The following ZSCAN2 variants were observed in gnomAD, a reference collection of about 807,000 sequenced individuals.
The protein encoded by ZSCAN2 is zinc finger and SCAN domain containing 2.
A neutral mutation model predicts 47.8 loss-of-function variants in ZSCAN2; 26 were observed. The ratio of observed to expected loss-of-function variants is 0.54; its 90% CI spans 0.40 to 0.75. The LOEUF is 0.75. ZSCAN2 is among the 30% of genes least tolerant of loss of function. The pLI is 0.00. For missense variants in ZSCAN2, 732 were observed against 785.4 expected (o/e 0.93, Z 0.81); for synonymous variants, 305 against 288.7 (o/e 1.06, Z -0.57).
At chr15:84,602,076 C>G (rs1596023692) in intron 1 of ZSCAN2, 1 of 152,210 alleles carries the variant, frequency 6.6e-6, no homozygotes, top group East Asian at 1.9e-4. Flanking sequence ...GCCTCAGCCT[C>G]CGGAGTAGCT....
rs772003684 is a variant in ZSCAN2 at position 84,604,016 on chromosome 15, TCACCAC to T, written c.92_97del (p.Thr31_Thr32del). 8.1e-6 allele frequency: 13 copies of T among 1,608,504 alleles called. No individual in the cohort carries two copies. Among genetic ancestry groups the T allele is most frequent in the Non-Finnish European group, 9.3e-6 (11 of 1,178,080 alleles). ...GAGGAAGATAGACAGGAGGAGGAGG[TCACCAC>T]CATGATCCTGGAGGATGACTCCTGG... On this transcript the variant is annotated inframe_deletion, in exon 2 of 3. Coordinates refer to ENST00000546148, the MANE Select transcript of ZSCAN2 (RefSeq NM_181877.4).
chr15:84,603,620 G>A (rs894759352), intron 1 of ZSCAN2, among the ~76,000 whole-genome samples, 200 bp from the exon 2 acceptor site: 1 of 152,096 alleles, frequency 6.6e-6, no homozygotes, highest in Non-Finnish European at 1.5e-5. Flanking sequence ...GGGATTACAG[G>A]CATGAGACAC....
rs1378260030 is a variant in ZSCAN2, at chr15:84,616,689, T to C, written c.407-3913T>C. 5 of 1,058,416 alleles carry C rather than the reference T, an allele frequency of 4.7e-6. No individual in the cohort carries two copies. The Admixed American group carries it at 2.2e-4, about 46-fold the overall frequency. 65.6% of individuals were successfully genotyped at this position (1,058,416 alleles called of 1,614,324 possible). A position where few individuals can be genotyped will look rare whatever the true frequency, so the allele number is the denominator to read the frequency against. ...CAGCAAAAACAGCCTTATTAGCTAA[T>C]GTTACCTATTCAATTACTAAAATCA... On this transcript the variant is annotated intron_variant, in intron 2 of 2. Transcript: ENST00000546148.
chr15:84,606,626 G>A, intron 2 of ZSCAN2: 4 of 1,610,248 alleles, frequency 2.5e-6, no homozygotes, highest in Non-Finnish European at 3.4e-6. Context: ...GTGATGGAGG[G>A]CTGAGGAGAG....
At chr15:84,606,975 CT>C in intron 2 of ZSCAN2, 1 of 608,156 alleles carries the variant, frequency 1.6e-6, no homozygotes, top group Non-Finnish European at 2.1e-6. Context: ...GTTTGTCCAG[CT>C]TATGACCTTT....
At position 84,622,321 on chromosome 15, in the gene ZSCAN2, G is replaced by T; in HGVS notation, c.*281G>T. On this transcript the variant is annotated 3_prime_UTR_variant, in exon 3 of 3. Transcript: ENST00000546148. ...ATTGGCCCCCTCTCATGATTCCTCT[G>T]TGCCTCAGTTTCCTCTTTGGTAAAA... 1 of 575,736 alleles carries T rather than the reference G, an allele frequency of 1.7e-6. No individual in the cohort carries two copies. 35.7% of individuals were successfully genotyped at this position (575,736 alleles called of 1,614,324 possible).
In ZSCAN2 at chr15:84,622,172, A is replaced by T; in HGVS notation, c.*132A>T. ...TTTTGCCAGAGTCTTCCCCTTGCTC[A>T]TCCTCATTTCCAGGACACTGTCATT... On this transcript the variant is annotated 3_prime_UTR_variant, in exon 3 of 3. Transcript: ENST00000546148. 1 of 805,676 alleles carries T rather than the reference A, an allele frequency of 1.2e-6. No individual in the cohort carries two copies. Among genetic ancestry groups the T allele is most frequent in the South Asian group, 1.8e-5 (1 of 56,900 alleles). The allele number at this position is 805,676 out of a possible 1,614,324, so 49.9% of individuals were successfully genotyped here.
rs140896195 is a variant in ZSCAN2 at position 84,621,747 on chromosome 15, G to T, written c.1552G>T (p.Val518Leu). The change falls in exon 3 of 3, where the codon GTA becomes TTA. Residue 518 changes from valine (V) to leucine (L), a missense_variant. Coordinates refer to ENST00000546148, the MANE Select transcript of ZSCAN2 (RefSeq NM_181877.4). The surrounding 1 kb of genome is among the most constrained non-coding windows in gnomAD (Gnocchi z 5.7). ...GKCFSQRSQL[V>L]VHQRTHTGEK... Reference sequence around the variant, plus strand: ...ATGCTTCAGCCAGCGCTCCCAGCTCGTAGTGCACCAGCGGACCCACACGGG... The same window carrying T: ...ATGCTTCAGCCAGCGCTCCCAGCTCTTAGTGCACCAGCGGACCCACACGGG... 1 of 1,614,092 alleles carries T rather than the reference G, an allele frequency of 6.2e-7. No individual in the cohort carries two copies. The highest frequency in any genetic ancestry group is 1.3e-5 in the African/African-American group (1 of 75,012).
rs367963102 is a variant in ZSCAN2 at position 84,603,963 on chromosome 15, G to T, written c.36G>T (p.Pro12=). 78 of 1,613,744 alleles carry T rather than the reference G, an allele frequency of 4.8e-5. No individual in the cohort carries two copies. The highest frequency in any genetic ancestry group is 6.2e-5 in the Non-Finnish European group (73 of 1,180,002). The part of the protein sequence containing the change: ...MAADIPRVTT[P]LSSLVQVPQE... ...CAGACATCCCGAGAGTGACCACTCC[G>T]CTGAGCTCCTTGGTCCAGGTGCCTC... The change falls in exon 2 of 3, where the codon CCG becomes CCT. Residue 12 remains proline (P), a synonymous_variant. Transcript: ENST00000546148.
chr15:84,615,208 C>T (rs1280634920), intron 2 of ZSCAN2, among the ~76,000 whole-genome samples: 1 of 152,190 alleles, frequency 6.6e-6, no homozygotes, highest in African/African-American at 2.4e-5. Context: ...CCTGCCTCAG[C>T]CCCCCAAAGT....
chr15:84,603,794 T>G, intron 1 of ZSCAN2, 26 bp from the exon 2 acceptor site: 2 of 1,090,266 alleles, frequency 1.8e-6, no homozygotes, highest in Non-Finnish European at 2.6e-6. Flanking sequence ...TACCTATGGA[T>G]TATGGTTCTC....
At position 84,622,837 on chromosome 15, in the gene ZSCAN2, G is replaced by A; in HGVS notation, c.*797G>A. 1 of 628,526 alleles carries A rather than the reference G, an allele frequency of 1.6e-6. No individual in the cohort carries two copies. The highest frequency in any genetic ancestry group is 2.9e-6 in the Non-Finnish European group (1 of 344,960). The allele number at this position is 628,526 out of a possible 1,614,324, so 38.9% of individuals were successfully genotyped here. A position where few individuals can be genotyped will look rare whatever the true frequency, so the allele number is the denominator to read the frequency against. On this transcript the variant is annotated 3_prime_UTR_variant, in exon 3 of 3. Transcript: ENST00000546148. ...AGGGGAACACATTTGTTCTCGTGGG[G>A]TTTTGTCCTGGAGAGTGTAGTGAAG...
intron 2 of ZSCAN2, among the ~76,000 whole-genome samples, chr15:84,609,839 C>A (rs1322321688): frequency 6.6e-6 from 1 of 152,234 alleles, no homozygotes; most frequent in African/African-American, 2.4e-5. Flanking sequence ...TTGAGCCAAA[C>A]ACACACCAAA....
chr15:84,616,336 C>G (rs758314457), intron 2 of ZSCAN2: 1 of 1,570,572 alleles, frequency 6.4e-7, no homozygotes, highest in African/African-American at 1.3e-5. Flanking sequence ...CATGGCTGCC[C>G]TGTGTGATTC....
rs1467263380 is a variant in ZSCAN2, at chr15:84,604,261, G to A, written c.334G>A (p.Glu112Lys). ...LPKEIQAWLQ[E>K]HRPESSEEAA... ...AAAGGAAATTCAGGCTTGGCTGCAAGAGCATCGGCCTGAAAGCAGTGAGGA... is the reference window on the plus strand; with the variant it reads ...AAAGGAAATTCAGGCTTGGCTGCAAAAGCATCGGCCTGAAAGCAGTGAGGA... Residue 112 changes from glutamate (E) to lysine (K), a missense_variant, in exon 2 of 3, where the codon GAG becomes AAG. Coordinates refer to ENST00000546148, the MANE Select transcript of ZSCAN2 (RefSeq NM_181877.4). 1 of 1,614,088 alleles carries A rather than the reference G, an allele frequency of 6.2e-7. No individual in the cohort carries two copies. The highest frequency in any genetic ancestry group is 1.3e-5 in the African/African-American group (1 of 74,952).
At chr15:84,620,405 T>A (rs1045062498) in intron 2 of ZSCAN2, among the ~76,000 whole-genome samples, 197 bp from the exon 3 acceptor site, 1 of 152,224 alleles carries the variant, frequency 6.6e-6, no homozygotes, top group Non-Finnish European at 1.5e-5. Flanking sequence ...ATTGAACATG[T>A]GTGTGCATGT....
rs1895841041 is a variant in ZSCAN2 at position 84,622,638 on chromosome 15, A to G, written c.*598A>G. 1.4e-6 allele frequency: 1 copy of G among 717,330 alleles called. No homozygotes were observed. Among genetic ancestry groups the G allele is most frequent in the Non-Finnish European group, 2.6e-6 (1 of 385,090 alleles). 44.4% of individuals were successfully genotyped at this position (717,330 alleles called of 1,614,324 possible). On this transcript the variant is annotated 3_prime_UTR_variant, in exon 3 of 3. Coordinates refer to ENST00000546148, the MANE Select transcript of ZSCAN2 (RefSeq NM_181877.4). Reference sequence around the variant, plus strand: ...CCACGTGAAGGTAAAGACCCTTTCTATTTCCAGAAAGTGTCAGGAGCACAG... The same window carrying G: ...CCACGTGAAGGTAAAGACCCTTTCTGTTTCCAGAAAGTGTCAGGAGCACAG...
In ZSCAN2 at chr15:84,620,616, A is replaced by T. The variant is rs755662939; in HGVS notation, c.421A>T (p.Ser141Cys). ...TLQDSDFEIQ[S>C]ENGENCNQDM... ...CATTGTTTCAGATTTTGAGATACAG[A>T]GTGAAAATGGGGAGAACTGTAATCA... Residue 141 changes from serine (S) to cysteine (C), a missense_variant, in exon 3 of 3, where the codon AGT becomes TGT. This residue lies in a region of ZSCAN2 where 320 missense variants were observed against 287.4 expected (regional missense o/e 1.11). Coordinates refer to ENST00000546148, the MANE Select transcript of ZSCAN2 (RefSeq NM_181877.4). 3 of 1,600,962 alleles carry T rather than the reference A, an allele frequency of 1.9e-6. No individual in the cohort carries two copies. The African/African-American group carries it at 4.0e-5, about 21-fold the overall frequency.
intron 2 of ZSCAN2, among the ~76,000 whole-genome samples, chr15:84,610,561 A>G (rs374182000): frequency 7.1e-6 from 1 of 140,754 alleles, no homozygotes; most frequent in East Asian, 2.1e-4. Flanking sequence ...CCATCTCGGC[A>G]CTGCAACCTC....
Sources: allele counts gnomAD v4.1 joint callset (sites outside exome capture counted in the v4.1 genomes callset), GRCh38; gene constraint gnomAD v4.1.1; regional missense constraint gnomAD v4.1.1; non-coding constraint Gnocchi (gnomAD v3.1); transcripts MANE v1.5; gene names NCBI Gene and HGNC (gene_info 2026-07-23, HGNC 2026-07-21).